Variants in FZD9 observed in about 807,000 individuals in gnomAD.
The protein encoded by FZD9 is frizzled-9.
A neutral mutation model predicts 29.9 loss-of-function variants in FZD9; 29 were observed. That is an observed-to-expected ratio of 0.97 (90% CI 0.72 to 1.32). FZD9 has a LOEUF of 1.32. Ranked by LOEUF, FZD9 falls within the 40% of genes most tolerant of loss-of-function variation. The probability of loss-of-function intolerance (pLI) is 0.00; values close to 1 mark genes in which losing one functional copy is unlikely to be tolerated. For synonymous variants in FZD9, 384 were observed against 393.9 expected, an observed-to-expected ratio of 0.97 and a Z score of 0.30; for missense variants, 822 against 857.8, an observed-to-expected ratio of 0.96 and a Z score of 0.52.
rs1265714611 is a variant in FZD9, at chr7:73,434,415, G to T, written c.408G>T (p.Ser136=). 1 of 1,565,582 alleles carries T rather than the reference G, an allele frequency of 6.4e-7. No individual in the cohort carries two copies. Among genetic ancestry groups the T allele is most frequent in the Non-Finnish European group, 8.6e-7 (1 of 1,164,320 alleles). The stretch of plus-strand genomic sequence containing the variant: ...AGTTCAACTTCGGCTGGCCGGACTC[G>T]CTCGACTGCGCCCGGCTGCCCACGC... ...MEQFNFGWPD[S]LDCARLPTRN... Residue 136 remains serine (S), a synonymous_variant, in exon 1 of 1, where the codon TCG becomes TCT. Transcript: ENST00000344575.
At position 73,435,817 on chromosome 7, in the gene FZD9, C is replaced by A. The variant is rs375855111; in HGVS notation, c.*34C>A. 11 of 1,537,300 alleles carry A rather than the reference C, an allele frequency of 7.2e-6. No homozygotes were observed. Among genetic ancestry groups the A allele is most frequent in the Non-Finnish European group, 9.6e-6 (11 of 1,140,506 alleles). On this transcript the variant is annotated 3_prime_UTR_variant, in exon 1 of 1. Transcript: ENST00000344575. ...GCCTGGCGCGGGGTGGCTGCTGCCCCCTCCTTGCCCTCCACGCCCTGCCCC... is the reference window on the plus strand; with the variant it reads ...GCCTGGCGCGGGGTGGCTGCTGCCCACTCCTTGCCCTCCACGCCCTGCCCC...
chr7:73,435,926 G>A lies in FZD9; in HGVS notation c.*143G>A. 1.7e-6 allele frequency: 2 copies of A among 1,162,006 alleles called. No individual in the cohort carries two copies. Among genetic ancestry groups the A allele is most frequent in the Non-Finnish European group, 2.4e-6 (2 of 818,730 alleles). The allele number at this position is 1,162,006 out of a possible 1,614,324, so 72.0% of individuals were successfully genotyped here. ...AGCACCGGGGACTGAGGATCAGGGC[G>A]GGACCCCGTGAGGCTCATTAGGGGA... On this transcript the variant is annotated 3_prime_UTR_variant, in exon 1 of 1. Coordinates refer to ENST00000344575, the MANE Select transcript of FZD9 (RefSeq NM_003508.3).
chr7:73,435,997 CA>C lies in FZD9; in HGVS notation c.*215del, dbSNP rs1336436775. ...CGGGGGCTGGACCAGGCTGAGTCCCCACAGGGTCCTAGTGGAGGATGTGGAG... is the reference window on the plus strand; with the variant it reads ...CGGGGGCTGGACCAGGCTGAGTCCCCCAGGGTCCTAGTGGAGGATGTGGAG... On this transcript the variant is annotated 3_prime_UTR_variant, in exon 1 of 1. Coordinates refer to ENST00000344575, the MANE Select transcript of FZD9 (RefSeq NM_003508.3). 2.1e-5 allele frequency: 12 copies of C among 573,854 alleles called. No homozygotes were observed. The highest frequency in any genetic ancestry group is 3.3e-5 in the Non-Finnish European group (11 of 328,530). 35.5% of individuals were successfully genotyped at this position (573,854 alleles called of 1,614,324 possible).
At position 73,435,129 on chromosome 7, in the gene FZD9, G is replaced by T. The variant is rs781784393; in HGVS notation, c.1122G>T (p.Leu374=). 6.2e-7 allele frequency: 1 copy of T among 1,612,060 alleles called. No homozygotes were observed. Residue 374 remains leucine, a synonymous_variant, in exon 1 of 1, where the codon CTG becomes CTT. Transcript: ENST00000344575. ...CCGCGCTCAAGACCATCGTCATCCT[G>T]ACCCTGCGCAAGGTGGCGGGTGATG... ...GLPALKTIVI[L]TLRKVAGDEL... is the part of the protein sequence containing the mutation.
At position 73,434,129 on chromosome 7, in the gene FZD9, C is replaced by T. The variant is rs1361834097; in HGVS notation, c.122C>T (p.Ala41Val). Residue 41 changes from alanine to valine, a missense_variant, in exon 1 of 1, where the codon GCG becomes GTG. Coordinates refer to ENST00000344575, the MANE Select transcript of FZD9 (RefSeq NM_003508.3). ...GGGCGCGGGGCTGCGCCGTGCCAGG[C>T]GGTGGAGATCCCCATGTGCCGCGGC... ...ERGRGAAPCQ[A>V]VEIPMCRGIG... 2 of 1,531,272 alleles carry T rather than the reference C, an allele frequency of 1.3e-6. No individual in the cohort carries two copies. The highest frequency in any genetic ancestry group is 1.7e-6 in the Non-Finnish European group (2 of 1,147,844). 94.9% of individuals were successfully genotyped at this position (1,531,272 alleles called of 1,614,324 possible). A position where few individuals can be genotyped will look rare whatever the true frequency, so the allele number is the denominator to read the frequency against.
Position 73,435,708 on chromosome 7 carries a change from C to A in FZD9, c.1701C>A (p.Cys567Ter), listed in dbSNP as rs1554563689. The change falls in exon 1 of 1, where the codon TGC becomes TGA. Residue 567 changes from cysteine (C) to a stop codon, truncating the protein, a stop_gained. Coordinates refer to ENST00000344575, the MANE Select transcript of FZD9 (RefSeq NM_003508.3). LOFTEE classifies it high-confidence loss of function. Reference protein sequence around the residue: ...APGSYGRGTHCHYKAPTVVLH... With the variant: ...APGSYGRGTH Reference sequence around the variant, plus strand: ...GGAGCTACGGACGTGGCACGCACTGCCACTATAAGGCTCCCACCGTGGTCT... The same window carrying A: ...GGAGCTACGGACGTGGCACGCACTGACACTATAAGGCTCCCACCGTGGTCT... 1 of 1,612,822 alleles carries A rather than the reference C, an allele frequency of 6.2e-7. No homozygotes were observed.
rs782128581 is a variant in FZD9, at chr7:73,434,108, G to A, written c.101G>A (p.Arg34His). 7.0e-6 allele frequency: 10 copies of A among 1,425,066 alleles called. No individual in the cohort carries two copies. Among genetic ancestry groups the A allele is most frequent in the South Asian group, 4.7e-5 (3 of 63,880 alleles). The allele number at this position is 1,425,066 out of a possible 1,614,324, so 88.3% of individuals were successfully genotyped here. Residue 34 changes from arginine to histidine, a missense_variant, in exon 1 of 1, where the codon CGC becomes CAC. Coordinates refer to ENST00000344575, the MANE Select transcript of FZD9 (RefSeq NM_003508.3). ...EIGRFDPERGRGAAPCQAVEI... is the reference protein window; with the variant it reads ...EIGRFDPERGHGAAPCQAVEI... ...GGCCGCTTCGACCCGGAGCGCGGGC[G>A]CGGGGCTGCGCCGTGCCAGGCGGTG... is the stretch of plus-strand genomic sequence containing the variant.
In FZD9 at chr7:73,435,006, C is replaced by A. The variant is rs782494286; in HGVS notation, c.999C>A (p.Val333=). Residue 333 remains valine, a synonymous_variant, in exon 1 of 1, where the codon GTC becomes GTA. Transcript: ENST00000344575. The part of the protein sequence containing the change: ...FGMASSLWWV[V]LTLTWFLAAG... ...TGGCCAGCTCGCTCTGGTGGGTGGT[C>A]CTGACGCTCACCTGGTTCCTGGCTG... 6.2e-7 allele frequency: 1 copy of A among 1,614,016 alleles called. No homozygotes were observed. Among genetic ancestry groups the A allele is most frequent in the Non-Finnish European group, 8.5e-7 (1 of 1,179,996 alleles).
In FZD9 at chr7:73,434,907, G is replaced by A. The variant is rs782382695; in HGVS notation, c.900G>A (p.Ala300=). ...QSVACDQEAG[A]LYVIQEGLEN... ...TGGCCTGTGACCAGGAGGCGGGCGC[G>A]CTCTACGTGATCCAGGAGGGCCTGG... Residue 300 remains alanine (A), a synonymous_variant, in exon 1 of 1, where the codon GCG becomes GCA. Coordinates refer to ENST00000344575, the MANE Select transcript of FZD9 (RefSeq NM_003508.3). The A allele has an allele frequency of 3.7e-6, 6 of 1,613,738 alleles. No individual in the cohort carries two copies. The highest frequency in any genetic ancestry group is 2.2e-5 in the South Asian group (2 of 91,082).
At position 73,435,580 on chromosome 7, in the gene FZD9, G is replaced by T; in HGVS notation, c.1573G>T (p.Gly525Cys). The T allele has an allele frequency of 6.2e-7, 1 of 1,613,216 alleles. No homozygotes were observed. The highest frequency in any genetic ancestry group is 8.5e-7 in the Non-Finnish European group (1 of 1,179,860). ...GTCACTGGTGGTGGGGATCACCAGC[G>T]GCGTCTGGGTGTGGAGCTCCAAGAC... is the stretch of plus-strand genomic sequence containing the variant. Reference protein sequence around the residue: ...FMSLVVGITSGVWVWSSKTFQ... With the variant: ...FMSLVVGITSCVWVWSSKTFQ... Residue 525 changes from glycine to cysteine, a missense_variant, in exon 1 of 1, where the codon GGC (glycine) becomes TGC (cysteine). By Grantham distance (159) the Gly-to-Cys change is radical (BLOSUM62 -3). Coordinates refer to ENST00000344575, the MANE Select transcript of FZD9 (RefSeq NM_003508.3).
At position 73,435,684 on chromosome 7, in the gene FZD9, G is replaced by A. The variant is rs1563355449; in HGVS notation, c.1677G>A (p.Gly559=). 8 of 1,613,204 alleles carry A rather than the reference G, an allele frequency of 5.0e-6. No individual in the cohort carries two copies. Among genetic ancestry groups the A allele is most frequent in the South Asian group, 1.1e-5 (1 of 91,050 alleles). Residue 559 remains glycine (G), a synonymous_variant, in exon 1 of 1, where the codon GGG becomes GGA. Transcript: ENST00000344575. ...GGGCCAAGGCCTGCCGCGCCCCCGG[G>A]AGCTACGGACGTGGCACGCACTGCC... The part of the protein sequence containing the change: ...RARAKACRAP[G]SYGRGTHCHY...
At position 73,435,685 on chromosome 7, in the gene FZD9, A is replaced by C; in HGVS notation, c.1678A>C (p.Ser560Arg). The change falls in exon 1 of 1, where the codon AGC (serine) becomes CGC (arginine). Residue 560 changes from serine to arginine, a missense_variant. Ser to Arg is a moderately radical substitution (Grantham distance 110). Transcript: ENST00000344575. Reference sequence around the variant, plus strand: ...GGCCAAGGCCTGCCGCGCCCCCGGGAGCTACGGACGTGGCACGCACTGCCA... The same window carrying C: ...GGCCAAGGCCTGCCGCGCCCCCGGGCGCTACGGACGTGGCACGCACTGCCA... ...ARAKACRAPG[S>R]YGRGTHCHYK... 1.2e-6 allele frequency: 2 copies of C among 1,613,064 alleles called. No homozygotes were observed.
At position 73,435,732 on chromosome 7, in the gene FZD9, C is replaced by A. The variant is rs952691379; in HGVS notation, c.1725C>A (p.Val575=). The change falls in exon 1 of 1, where the codon GTC becomes GTA. Residue 575 remains valine (V), a synonymous_variant. Transcript: ENST00000344575. ...GCCACTATAAGGCTCCCACCGTGGT[C>A]TTGCACATGACTAAGACGGACCCCT... ...THCHYKAPTV[V]LHMTKTDPSL... 1.9e-6 allele frequency: 3 copies of A among 1,611,030 alleles called. No individual in the cohort carries two copies. The highest frequency in any genetic ancestry group is 2.5e-6 in the Non-Finnish European group (3 of 1,178,246).
In FZD9 at chr7:73,435,257, T is replaced by C; in HGVS notation, c.1250T>C (p.Leu417Pro). 6.2e-7 allele frequency: 1 copy of C among 1,613,776 alleles called. No individual in the cohort carries two copies. The highest frequency in any genetic ancestry group is 8.5e-7 in the Non-Finnish European group (1 of 1,179,984). ...SGYLVLGSSF[L>P]LTGFVALFHI... ...TACCTGGTGCTGGGCAGTAGTTTCCTCCTGACCGGCTTCGTGGCCCTCTTC... is the reference window on the plus strand; with the variant it reads ...TACCTGGTGCTGGGCAGTAGTTTCCCCCTGACCGGCTTCGTGGCCCTCTTC... The change falls in exon 1 of 1, where the codon CTC (leucine) becomes CCC (proline). Residue 417 changes from leucine (L) to proline (P), a missense_variant. By Grantham distance (98) the Leu-to-Pro change is moderately conservative. Coordinates refer to ENST00000344575, the MANE Select transcript of FZD9 (RefSeq NM_003508.3).
In FZD9 at chr7:73,434,516, TG is replaced by T; in HGVS notation, c.512del (p.Gly171AlafsTer112). 1 of 1,444,566 alleles carries T rather than the reference TG, an allele frequency of 6.9e-7. No individual in the cohort carries two copies. The highest frequency in any genetic ancestry group is 1.4e-5 in the South Asian group (1 of 70,332). The allele number at this position is 1,444,566 out of a possible 1,614,324, so 89.5% of individuals were successfully genotyped here. ...TAGPAEPHKG[L>X]GMLPVAPRPA... ...GGCCCCGCGGAGCCCCACAAGGGCC[TG>T]GGCATGCTGCCCGTGGCGCCGCGGC... On this transcript the variant is annotated frameshift_variant, in exon 1 of 1. Transcript: ENST00000344575. LOFTEE classifies it high-confidence loss of function.
In FZD9 at chr7:73,434,673, C is replaced by T. The variant is rs1254096830; in HGVS notation, c.666C>T (p.Phe222=). The T allele has an allele frequency of 6.2e-7, 1 of 1,602,332 alleles. No homozygotes were observed. Among genetic ancestry groups the T allele is most frequent in the Admixed American group, 1.7e-5 (1 of 59,976 alleles). ...GCTGCGGGCCCGGCGTCGAGGTGTT[C>T]TGGTCCCGGCGCGACAAGGACTTCG... ...APRCGPGVEV[F]WSRRDKDFAL... The change falls in exon 1 of 1, where the codon TTC becomes TTT. Residue 222 remains phenylalanine, a synonymous_variant. Coordinates refer to ENST00000344575, the MANE Select transcript of FZD9 (RefSeq NM_003508.3).
chr7:73,435,777 C>A lies in FZD9; in HGVS notation c.1770C>A (p.His590Gln). The change falls in exon 1 of 1, where the codon CAC becomes CAA. Residue 590 changes from histidine (H) to glutamine (Q), a missense_variant. Coordinates refer to ENST00000344575, the MANE Select transcript of FZD9 (RefSeq NM_003508.3). The part of the protein sequence containing the change: ...KTDPSLENPT[H>Q]L ...ACCCCTCTTTGGAGAACCCCACACA[C>A]CTCTAGCCACACAGGCCTGGCGCGG... 1 of 1,581,128 alleles carries A rather than the reference C, an allele frequency of 6.3e-7. No individual in the cohort carries two copies. The highest frequency in any genetic ancestry group is 8.6e-7 in the Non-Finnish European group (1 of 1,160,276).
chr7:73,434,640 CGCA>C lies in FZD9; in HGVS notation c.634_636del (p.Ala212del). On this transcript the variant is annotated inframe_deletion, in exon 1 of 1. Coordinates refer to ENST00000344575, the MANE Select transcript of FZD9 (RefSeq NM_003508.3). ...AGTACGTGGAGAAGAGCCGCTCGTG[CGCA>C]CCGCGCTGCGGGCCCGGCGTCGAGG... 1 of 1,595,986 alleles carries C rather than the reference CGCA, an allele frequency of 6.3e-7. No homozygotes were observed. Among genetic ancestry groups the C allele is most frequent in the East Asian group, 2.2e-5 (1 of 44,682 alleles).
rs1787351352 is a variant in FZD9, at chr7:73,434,241, G to A, written c.234G>A (p.Pro78=). ...EAAAELAEFA[P]LVQYGCHSHL... is the part of the protein sequence containing the mutation. ...CTGCCGAGCTAGCGGAGTTCGCGCC[G>A]CTGGTGCAGTACGGCTGCCACAGCC... The change falls in exon 1 of 1, where the codon CCG becomes CCA. Residue 78 remains proline, a synonymous_variant. Coordinates refer to ENST00000344575, the MANE Select transcript of FZD9 (RefSeq NM_003508.3). The A allele has an allele frequency of 2.5e-6, 4 of 1,583,618 alleles. No homozygotes were observed. Among genetic ancestry groups the A allele is most frequent in the Non-Finnish European group, 2.6e-6 (3 of 1,172,010 alleles).
Sources: gnomAD v4.1 joint callset for allele counts on GRCh38, gnomAD v4.1.1 for gene constraint, MANE v1.5 for transcripts, NCBI Gene and HGNC (gene_info 2026-07-23, HGNC 2026-07-21) for gene names.